Variants in SPATA17 observed in about 807,000 individuals in gnomAD.
The protein encoded by SPATA17 is spermatogenesis associated 17.
SPATA17 carries 53 observed loss-of-function variants against 62.2 expected under a neutral mutation model. The observed-to-expected ratio is 0.85, with a 90% CI of 0.68 to 1.07. The LOEUF is 1.07. SPATA17 is among the 50% of genes least tolerant of loss of function. The probability of loss-of-function intolerance (pLI) is 0.00; values close to 1 mark genes in which losing one functional copy is unlikely to be tolerated. For synonymous variants in SPATA17, 146 were observed against 146.8 expected (o/e 0.99, Z 0.04); for missense variants, 466 against 425.5 (o/e 1.10, Z -0.84).
intron 1 of SPATA17, among the ~76,000 whole-genome samples, chr1:217,634,135 A>G (rs1473720607): frequency 6.6e-6 from 1 of 152,238 alleles, no homozygotes; most frequent in African/African-American, 2.4e-5. Flanking sequence ...CATAAGGTGA[A>G]CAAAAGATAG....
In SPATA17 at chr1:217,739,017, CTAT is replaced by C. The variant is rs112818410; in HGVS notation, c.396-2947_396-2945del. On this transcript the variant is annotated intron_variant, in intron 5 of 10. Transcript: ENST00000366933. The stretch of plus-strand genomic sequence containing the variant: ...TCTTAATCACTCCACTATATTGTGG[CTAT>C]TATTATTATTGCTATCATTATTAGA... Among the ~76,000 whole-genome samples, 224 of 152,162 alleles carry C rather than the reference CTAT, an allele frequency of 1.5e-3. 1 individual carries two copies. The highest frequency in any genetic ancestry group is 4.8e-3 in the African/African-American group (198 of 41,512).
intron 5 of SPATA17, among the ~76,000 whole-genome samples, chr1:217,690,074 T>C (rs1215603981): frequency 3.3e-5 from 5 of 152,100 alleles, no homozygotes; most frequent in Non-Finnish European, 7.4e-5. Flanking sequence ...AGCTAATTTT[T>C]ATAATTTTAG....
chr1:217,735,167 C>G (rs894877965), intron 5 of SPATA17, among the ~76,000 whole-genome samples: 2 of 152,184 alleles, frequency 1.3e-5, no homozygotes, highest in African/African-American at 4.8e-5. Context: ...AAACATTATT[C>G]TTGACCTTCA....
rs117570036 is a variant in SPATA17 at position 217,773,830 on chromosome 1, G to T, written c.520-504G>T. On this transcript the variant is annotated intron_variant, in intron 6 of 10. Transcript: ENST00000366933. The stretch of plus-strand genomic sequence containing the variant: ...CCAATTTGATTATTAAAGTACAAAA[G>T]TCAAGATAGTTGCCCTTAGTTTACG... 1.6e-3 allele frequency among the ~76,000 whole-genome samples: 238 copies of T among 151,996 alleles called. 9 individuals are homozygous for T. In the East Asian group the frequency reaches 0.029, roughly 19 times the overall value.
chr1:217,829,305 A>G (rs141788874), intron 9 of SPATA17, among the ~76,000 whole-genome samples: 26 of 152,176 alleles, frequency 1.7e-4, no homozygotes, highest in African/African-American at 6.0e-4. Flanking sequence ...ATGAACCTGA[A>G]GTCCATGCTA....
At chr1:217,851,400 A>T (rs1398257458) in intron 9 of SPATA17, among the ~76,000 whole-genome samples, 1 of 152,094 alleles carries the variant, frequency 6.6e-6, no homozygotes, top group East Asian at 1.9e-4. Context: ...CTACTAGATT[A>T]GCAATTTTTC....
intron 8 of SPATA17, among the ~76,000 whole-genome samples, chr1:217,800,535 T>A (rs1000358309): frequency 6.6e-6 from 1 of 152,180 alleles, no homozygotes; most frequent in East Asian, 1.9e-4. Context: ...TATGGATACA[T>A]GGACTGGGAC....
intron 9 of SPATA17, among the ~76,000 whole-genome samples, chr1:217,830,153 G>A (rs1453635857): frequency 6.6e-6 from 1 of 152,020 alleles, no homozygotes; most frequent in African/African-American, 2.4e-5. Context: ...AGTCAGATGT[G>A]AATTTATAGA....
intron 5 of SPATA17, among the ~76,000 whole-genome samples, chr1:217,687,471 G>C (rs140116893): frequency 6.6e-6 from 1 of 152,220 alleles, no homozygotes; most frequent in East Asian, 1.9e-4. Flanking sequence ...GGTCAATGAC[G>C]TACGACATTT....
At chr1:217,735,573 A>C (rs960577912) in intron 5 of SPATA17, among the ~76,000 whole-genome samples, 2 of 152,226 alleles carry the variant, frequency 1.3e-5, no homozygotes, top group African/African-American at 2.4e-5. Flanking sequence ...CAAGTCATGC[A>C]TGCATACCTA....
chr1:217,821,670 G>A (rs1674865381), intron 9 of SPATA17, among the ~76,000 whole-genome samples: 2 of 151,590 alleles, frequency 1.3e-5, no homozygotes, highest in Admixed American at 6.6e-5. Flanking sequence ...GGAGATATGG[G>A]GTAATGTATC....
At chr1:217,710,132 A>G (rs535860599) in intron 5 of SPATA17, among the ~76,000 whole-genome samples, 2 of 152,338 alleles carry the variant, frequency 1.3e-5, no homozygotes, top group East Asian at 3.9e-4. Flanking sequence ...CATAGTTAAT[A>G]GTAAAAAAAA....
chr1:217,705,758 T>C (rs1009505550), intron 5 of SPATA17, among the ~76,000 whole-genome samples: 1 of 152,158 alleles, frequency 6.6e-6, no homozygotes, highest in Admixed American at 6.6e-5. Context: ...TTTTTAATTT[T>C]TGTTGCAAAT....
intron 6 of SPATA17, among the ~76,000 whole-genome samples, chr1:217,749,973 C>CTATATATATATATA (rs1307343377): frequency 1.1e-4 from 5 of 43,740 alleles, no homozygotes; most frequent in African/African-American, 2.6e-4. Flanking sequence ...CTCTCTCTCT[C>CTATATATATATATA]TCTCTCTCTC....
chr1:217,665,177 A>C (rs1670667464), intron 3 of SPATA17: 1 of 152,192 alleles, frequency 6.6e-6, no homozygotes, highest in Admixed American at 6.5e-5. Context: ...ATAAACCTAA[A>C]TATGGGATAT....
chr1:217,644,356 A>G (rs1670133866), intron 1 of SPATA17, among the ~76,000 whole-genome samples: 1 of 152,242 alleles, frequency 6.6e-6, no homozygotes, highest in Non-Finnish European at 1.5e-5. Flanking sequence ...TCTGCCTTTA[A>G]GGAGCATGAA....
At chr1:217,749,186 G>A (rs984737738) in intron 6 of SPATA17, among the ~76,000 whole-genome samples, 1 of 152,082 alleles carries the variant, frequency 6.6e-6, no homozygotes, top group Non-Finnish European at 1.5e-5. Flanking sequence ...GCACATATTT[G>A]GACCTCTTAG....
chr1:217,670,635 G>A (rs1670810913), intron 4 of SPATA17, among the ~76,000 whole-genome samples: 2 of 152,114 alleles, frequency 1.3e-5, no homozygotes, highest in Admixed American at 1.3e-4. Flanking sequence ...TTGTGATCCT[G>A]GAAAACAACA....
At chr1:217,794,092 G>T (rs1674074403) in intron 8 of SPATA17, among the ~76,000 whole-genome samples, 1 of 149,388 alleles carries the variant, frequency 6.7e-6, no homozygotes, top group African/African-American at 2.5e-5. Context: ...CTCCAGCCTG[G>T]GTAACAGAGC....
Sources: allele counts gnomAD v4.1 joint callset (sites outside exome capture counted in the v4.1 genomes callset), GRCh38; gene constraint gnomAD v4.1.1; transcripts MANE v1.5; gene names NCBI Gene and HGNC (gene_info 2026-07-23, HGNC 2026-07-21).